FAM114A2: variants seen among roughly 807,000 people sequenced by gnomAD.
FAM114A2 encodes protein FAM114A2.
In FAM114A2, 53 loss-of-function variants were observed where a neutral mutation model predicts 58.4. That is an observed-to-expected ratio of 0.91 (90% CI 0.73 to 1.14). The LOEUF (loss-of-function observed/expected upper bound fraction) is 1.14. Ranked by LOEUF, FAM114A2 falls within the 50% of genes most tolerant of loss-of-function variation. The pLI is 0.00. For missense variants in FAM114A2, 601 were observed against 581.1 expected (o/e 1.03, Z -0.35); for synonymous variants, 228 against 211.4 (o/e 1.08, Z -0.68).
At chr5:154,007,547 A>C (rs1184681422) in intron 9 of FAM114A2, among the ~76,000 whole-genome samples, 1 of 152,164 alleles carries the variant, frequency 6.6e-6, no homozygotes, top group African/African-American at 2.4e-5. Flanking sequence ...AATGCCTAAA[A>C]TTTAAACAAT....
intron 9 of FAM114A2, among the ~76,000 whole-genome samples, chr5:154,009,549 T>C (rs1193188103): frequency 6.6e-6 from 1 of 152,192 alleles, no homozygotes; most frequent in Non-Finnish European, 1.5e-5. Context: ...ATTTGTATGG[T>C]CTTACAGTAT....
rs760900315 is a variant in FAM114A2, at chr5:154,034,745, T to A, written c.209A>T (p.Gln70Leu). 1 of 1,606,846 alleles carries A rather than the reference T, an allele frequency of 6.2e-7. No individual in the cohort carries two copies. The highest frequency in any genetic ancestry group is 1.1e-5 in the South Asian group (1 of 90,946). ...TACTTTTTCTGTGGTCTGTGATACCTGAATAGGGAGAACTTTTGAAGTCTC... is the reference window on the plus strand; with the variant it reads ...TACTTTTTCTGTGGTCTGTGATACCAGAATAGGGAGAACTTTTGAAGTCTC... ...DLETSKVLPI[Q>L]DNVSKDVPQT... is the part of the protein sequence containing the mutation. Residue 70 changes from glutamine (Q) to leucine (L), a missense_variant and splice_region_variant, in exon 2 of 14, where the codon CAG (glutamine) becomes CTG (leucine). By Grantham distance (113) the Gln-to-Leu change is moderately radical. Coordinates refer to ENST00000351797, the MANE Select transcript of FAM114A2 (RefSeq NM_018691.4).
At chr5:154,003,111 C>G (rs979938709) in intron 9 of FAM114A2, 142 bp from the exon 10 acceptor site, 1 of 659,832 alleles carries the variant, frequency 1.5e-6, no homozygotes, top group African/African-American at 1.8e-5. Flanking sequence ...CAGTCCTTAT[C>G]CTACTAGTCT....
At position 154,020,854 on chromosome 5, in the gene FAM114A2, T is replaced by G. The variant is rs1167598951; in HGVS notation, c.913+5545A>C. Among the ~76,000 whole-genome samples, 3 of 152,072 alleles carry G rather than the reference T, an allele frequency of 2.0e-5. No homozygotes were observed. In the East Asian group the frequency reaches 5.8e-4, roughly 29 times the overall value. ...CAGAGACACGACAAAAAAAGAGAAT[T>G]TTAGACCAATATCCCTGATGAACAT... is the stretch of plus-strand genomic sequence containing the variant. On this transcript the variant is annotated intron_variant, in intron 8 of 13. Transcript: ENST00000351797.
At chr5:154,016,412 A>T (rs1771044415) in intron 8 of FAM114A2, among the ~76,000 whole-genome samples, 1 of 152,198 alleles carries the variant, frequency 6.6e-6, no homozygotes, top group Non-Finnish European at 1.5e-5. Flanking sequence ...TTAACAGCAG[A>T]TTTCTCAGCA....
chr5:154,001,707 C>G (rs1023071485), intron 11 of FAM114A2, among the ~76,000 whole-genome samples: 1 of 151,958 alleles, frequency 6.6e-6, no homozygotes, highest in South Asian at 2.1e-4. Context: ...AATTTTTGTA[C>G]AAATCAGCAA....
In FAM114A2 at chr5:154,028,175, T is replaced by C; in HGVS notation, c.604A>G (p.Met202Val). ...DPGFKRTKGL[M>V]NRNATLSQVL... ...TGAGATAGTGTAGCATTTCGGTTCA[T>C]CAGACCCTTGGTTCTTTTAAATCCA... Residue 202 changes from methionine (M) to valine (V), a missense_variant, in exon 6 of 14, where the codon ATG (methionine) becomes GTG (valine). Transcript: ENST00000351797. 6.2e-7 allele frequency: 1 copy of C among 1,612,696 alleles called. No individual in the cohort carries two copies. The highest frequency in any genetic ancestry group is 8.5e-7 in the Non-Finnish European group (1 of 1,179,170).
In FAM114A2 at chr5:154,011,432, TAAC is replaced by T. The variant is rs1398380854; in HGVS notation, c.914-115_914-113del. ...GTAATAGCAGTGACAGTAGTAGTAA[TAAC>T]AATAGTAGCAGCAGTAATGTACATG... On this transcript the variant is annotated intron_variant, in intron 8 of 13. Coordinates refer to ENST00000351797, the MANE Select transcript of FAM114A2 (RefSeq NM_018691.4). 73 of 671,792 alleles carry T rather than the reference TAAC, an allele frequency of 1.1e-4. No individual in the cohort carries two copies. The East Asian group carries it at 1.9e-3, about 18-fold the overall frequency. The allele number at this position is 671,792 out of a possible 1,614,324, so 41.6% of individuals were successfully genotyped here.
chr5:153,998,528 T>C (rs987257065), intron 11 of FAM114A2, among the ~76,000 whole-genome samples: 6 of 152,186 alleles, frequency 3.9e-5, no homozygotes, highest in African/African-American at 1.4e-4. Context: ...GCAAGTCCAG[T>C]CTTTCATGCA....
chr5:154,011,919 A>C (rs1770725810), intron 8 of FAM114A2, among the ~76,000 whole-genome samples: 1 of 152,210 alleles, frequency 6.6e-6, no homozygotes. Flanking sequence ...CTAGAAAGGT[A>C]AGATCCAGAT....
intron 9 of FAM114A2, among the ~76,000 whole-genome samples, chr5:154,010,862 C>T (rs1003944935): frequency 2.0e-5 from 3 of 152,200 alleles, no homozygotes; most frequent in African/African-American, 4.8e-5. Context: ...ATGGGCAAGG[C>T]CACATATCAT....
At position 154,029,676 on chromosome 5, in the gene FAM114A2, C is replaced by T. The variant is rs944190766; in HGVS notation, c.404-96G>A. 1.2e-5 allele frequency: 8 copies of T among 643,994 alleles called. No homozygotes were observed. In the African/African-American group the frequency reaches 1.5e-4, roughly 12 times the overall value. 39.9% of individuals were successfully genotyped at this position (643,994 alleles called of 1,614,324 possible). On this transcript the variant is annotated intron_variant, in intron 4 of 13. Coordinates refer to ENST00000351797, the MANE Select transcript of FAM114A2 (RefSeq NM_018691.4). ...GTGAATTTTTTAAAACTAGACCCTG[C>T]TTACTACATACTAGGCCTTAGCCCT...
intron 8 of FAM114A2, among the ~76,000 whole-genome samples, chr5:154,020,157 C>T (rs190337578): frequency 6.6e-6 from 1 of 152,076 alleles, no homozygotes; most frequent in Admixed American, 6.6e-5. Context: ...GTGTGTAGAA[C>T]ACTGCATTTA....
rs199650757 is a variant in FAM114A2, at chr5:153,993,142, A to G, written c.1384-32T>C. On this transcript the variant is annotated intron_variant, in intron 13 of 13. Coordinates refer to ENST00000351797, the MANE Select transcript of FAM114A2 (RefSeq NM_018691.4). ...GGATTGAAAAAACAAGAAAAAGAAA[A>G]TATTAGTTATTTAAAAGAGAAGATA... 6 of 1,581,616 alleles carry G rather than the reference A, an allele frequency of 3.8e-6. No homozygotes were observed. In the Middle Eastern group the frequency reaches 6.8e-4, roughly 179 times the overall value.
chr5:154,023,909 TA>T (rs1349834004), intron 8 of FAM114A2, among the ~76,000 whole-genome samples: 6 of 152,186 alleles, frequency 3.9e-5, no homozygotes, highest in African/African-American at 1.4e-4. Context: ...TCCCTGTTTG[TA>T]GAGAATCCAC....
intron 8 of FAM114A2, among the ~76,000 whole-genome samples, chr5:154,021,164 T>C (rs1457712884): frequency 2.0e-5 from 3 of 152,136 alleles, no homozygotes; most frequent in Non-Finnish European, 4.4e-5. Context: ...ATAAGAGCTA[T>C]CTATGACAAA....
intron 9 of FAM114A2, among the ~76,000 whole-genome samples, chr5:154,008,894 C>T (rs1429699498): frequency 2.0e-5 from 3 of 151,994 alleles, no homozygotes; most frequent in Non-Finnish European, 4.4e-5. Context: ...AAGGGAGATA[C>T]AAATGTGTAA....
intron 1 of FAM114A2, chr5:154,038,556 T>C (rs1428969717): frequency 6.6e-6 from 1 of 152,246 alleles, no homozygotes. Flanking sequence ...TCGTTATTAA[T>C]ACGGCTGTCT....
chr5:154,028,151 G>A lies in FAM114A2; in HGVS notation c.628C>T (p.Gln210Ter). 6.2e-7 allele frequency: 1 copy of A among 1,609,742 alleles called. No homozygotes were observed. Among genetic ancestry groups the A allele is most frequent in the Non-Finnish European group, 8.5e-7 (1 of 1,177,632 alleles). Residue 210 changes from glutamine (Q) to a stop codon, truncating the protein, a stop_gained and splice_region_variant, in exon 6 of 14, where the codon CAG becomes TAG. Transcript: ENST00000351797. LOFTEE classifies it high-confidence loss of function. ...GLMNRNATLS[Q>*]VLREAKEKEE... ...AAACAGGTAAGGATAATCAGTACCTGAGATAGTGTAGCATTTCGGTTCATC... is the reference window on the plus strand; with the variant it reads ...AAACAGGTAAGGATAATCAGTACCTAAGATAGTGTAGCATTTCGGTTCATC...
Sources: allele counts gnomAD v4.1 joint callset (sites outside exome capture counted in the v4.1 genomes callset), GRCh38; gene constraint gnomAD v4.1.1; transcripts MANE v1.5; gene names NCBI Gene and HGNC (gene_info 2026-07-23, HGNC 2026-07-21).